Variants in SLC26A2 observed in about 807,000 individuals in gnomAD.
SLC26A2 encodes the protein sulfate transporter.
Under a neutral mutation model 41.1 loss-of-function variants are expected in SLC26A2, and 36 were observed. That is an observed-to-expected ratio of 0.88 (90% CI 0.67 to 1.16). The LOEUF (loss-of-function observed/expected upper bound fraction) is 1.16, where lower values mean the gene tolerates loss of function less well. Among genes scored for constraint, SLC26A2 ranks in the 50% most tolerant of loss-of-function variants. SLC26A2 has a pLI of 0.00. For synonymous variants in SLC26A2, 291 were observed against 311.6 expected (o/e 0.93, Z 0.70); for missense variants, 796 against 869.6 (o/e 0.92, Z 1.07).
chr5:149,961,880 C>G (rs1228763094), intron 1 of SLC26A2: 1 of 152,156 alleles, frequency 6.6e-6, no homozygotes, highest in Non-Finnish European at 1.5e-5. Context: ...TAGCAAGGGA[C>G]AGAGACTAAT....
intron 1 of SLC26A2, among the ~76,000 whole-genome samples, chr5:149,969,400 A>G (rs1008087098): frequency 1.3e-5 from 2 of 152,194 alleles, no homozygotes; most frequent in East Asian, 3.8e-4. Context: ...CCACATTTCT[A>G]ATTGCCTGCT....
intron 1 of SLC26A2, among the ~76,000 whole-genome samples, chr5:149,965,808 A>G (rs957815047): frequency 1.3e-5 from 2 of 152,182 alleles, no homozygotes; most frequent in Non-Finnish European, 2.9e-5. Flanking sequence ...TAGGCAATCT[A>G]TTAGAGGAAA....
intron 1 of SLC26A2, among the ~76,000 whole-genome samples, chr5:149,961,493 A>G (rs1216268925): frequency 2.0e-5 from 3 of 152,176 alleles, no homozygotes; most frequent in South Asian, 2.1e-4. Context: ...CACTGGATGG[A>G]TGGAAACACT....
At chr5:149,980,157 T>C (rs186669687) in intron 2 of SLC26A2, 136 bp from the exon 3 acceptor site, 54 of 751,822 alleles carry the variant, frequency 7.2e-5, no homozygotes, top group African/African-American at 6.3e-4. Context: ...AAGATTGATA[T>C]ATGATTGTGT....
In SLC26A2 at chr5:149,981,424, G is replaced by A. The variant is rs764181468; in HGVS notation, c.1831G>A (p.Val611Met). 2 of 1,613,926 alleles carry A rather than the reference G, an allele frequency of 1.2e-6. No homozygotes were observed. The highest frequency in any genetic ancestry group is 1.7e-6 in the Non-Finnish European group (2 of 1,179,986). Residue 611 changes from valine to methionine, a missense_variant, in exon 3 of 3, where the codon GTG becomes ATG. Coordinates refer to ENST00000286298, the MANE Select transcript of SLC26A2 (RefSeq NM_000112.4). Reference sequence around the variant, plus strand: ...AACTGTCAACCCAATCTTAATAAAGGTGGCTTGGAAGAAGGCAGCAAAGAG... The same window carrying A: ...AACTGTCAACCCAATCTTAATAAAGATGGCTTGGAAGAAGGCAGCAAAGAG... Reference protein sequence around the residue: ...KQTVNPILIKVAWKKAAKRKI... With the variant: ...KQTVNPILIKMAWKKAAKRKI...
intron 1 of SLC26A2, among the ~76,000 whole-genome samples, chr5:149,977,317 TC>T (rs953521732): frequency 4.6e-5 from 7 of 152,104 alleles, no homozygotes; most frequent in African/African-American, 1.2e-4. Flanking sequence ...TGCCCTTACA[TC>T]TTTTCAGGAG....
intron 1 of SLC26A2, among the ~76,000 whole-genome samples, chr5:149,966,881 A>G (rs1754814387): frequency 6.6e-6 from 1 of 152,246 alleles, no homozygotes; most frequent in Admixed American, 6.5e-5. Flanking sequence ...TTGCTTAGAT[A>G]CTTCCTCCCA....
intron 1 of SLC26A2, among the ~76,000 whole-genome samples, chr5:149,974,597 A>G (rs1038225726): frequency 6.8e-6 from 1 of 148,082 alleles, no homozygotes; most frequent in Non-Finnish European, 1.5e-5. Flanking sequence ...TAATTTTTGT[A>G]TTTTTTTAGA....
chr5:149,975,326 T>A (rs1254056129), intron 1 of SLC26A2, among the ~76,000 whole-genome samples: 1 of 152,234 alleles, frequency 6.6e-6, no homozygotes, highest in Non-Finnish European at 1.5e-5. Context: ...TGATTTTTTC[T>A]TACAGTTTCC....
intron 1 of SLC26A2, among the ~76,000 whole-genome samples, chr5:149,967,617 G>A (rs1459629636): frequency 2.6e-5 from 4 of 152,086 alleles, no homozygotes; most frequent in South Asian, 2.1e-4. Context: ...GTGCACAATG[G>A]TGTGTAACCA....
chr5:149,972,339 C>CA (rs1409268959), intron 1 of SLC26A2, among the ~76,000 whole-genome samples: 1 of 152,116 alleles, frequency 6.6e-6, no homozygotes, highest in Non-Finnish European at 1.5e-5. Context: ...TGAGTGAATA[C>CA]ATAAGTTTCT....
At chr5:149,978,446 A>C in intron 2 of SLC26A2, 95 bp downstream of exon 2, 1 of 1,080,760 alleles carries the variant, frequency 9.3e-7, no homozygotes, top group South Asian at 1.3e-5. Flanking sequence ...ACAATAATTA[A>C]AGGTATCATT....
chr5:149,977,563 T>C, intron 1 of SLC26A2, 65 bp from the exon 2 acceptor site: 1 of 845,446 alleles, frequency 1.2e-6, no homozygotes, highest in Non-Finnish European at 2.0e-6. Flanking sequence ...ACAAATAGAA[T>C]TGTTAGTATA....
Position 149,982,888 on chromosome 5 carries a change from A to G in SLC26A2, c.*1075A>G, listed in dbSNP as rs1006562491. 10 of 152,324 alleles carry G rather than the reference A, an allele frequency of 6.6e-5. No individual in the cohort carries two copies. The highest frequency in any genetic ancestry group is 6.2e-4 in the South Asian group (3 of 4,832). The allele number at this position is 152,324 out of a possible 1,614,324, so 9.4% of individuals were successfully genotyped here. A position where few individuals can be genotyped will look rare whatever the true frequency, so the allele number is the denominator to read the frequency against. ...CTGGCCCACAGGTCATGAATTGAGG[A>G]GGAATTTGCTTTCAAAAAGCAAGAA... On this transcript the variant is annotated 3_prime_UTR_variant, in exon 3 of 3. Coordinates refer to ENST00000286298, the MANE Select transcript of SLC26A2 (RefSeq NM_000112.4).
intron 1 of SLC26A2, among the ~76,000 whole-genome samples, chr5:149,971,556 C>T (rs540294541): frequency 5.9e-5 from 9 of 152,164 alleles, no homozygotes; most frequent in East Asian, 5.8e-4. Context: ...TGCGCCACCA[C>T]GCCTGGCTGA....
At chr5:149,969,390 C>G (rs2113690034) in intron 1 of SLC26A2, among the ~76,000 whole-genome samples, 1 of 152,304 alleles carries the variant, frequency 6.6e-6, no homozygotes, top group South Asian at 2.1e-4. Context: ...TACTTGAGAA[C>G]CACATTTCTA....
In SLC26A2 at chr5:149,980,298, G is replaced by A. The variant is rs112360373; in HGVS notation, c.705G>A (p.Ala235=). The A allele has an allele frequency of 5.1e-5, 83 of 1,613,456 alleles. 2 individuals are homozygous for A. The highest frequency in any genetic ancestry group is 4.7e-4 in the Admixed American group (28 of 59,994). The change falls in exon 3 of 3, where the codon GCG becomes GCA. Residue 235 remains alanine, a synonymous_variant. Coordinates refer to ENST00000286298, the MANE Select transcript of SLC26A2 (RefSeq NM_000112.4). ...VTFIAGVYQV[A]MGFFQVGFVS... ...TTCTATATCCTTCCTTCCAGGTAGC[G>A]ATGGGCTTCTTTCAAGTGGGTTTTG...
intron 1 of SLC26A2, among the ~76,000 whole-genome samples, chr5:149,963,254 C>A (rs1212358291): frequency 6.6e-6 from 1 of 151,764 alleles, no homozygotes; most frequent in African/African-American, 2.4e-5. Context: ...GGATTACAGG[C>A]ACATGCCACC....
intron 1 of SLC26A2, among the ~76,000 whole-genome samples, chr5:149,967,132 C>T (rs141926898): frequency 6.6e-6 from 1 of 152,238 alleles, no homozygotes; most frequent in African/African-American, 2.4e-5. Context: ...CACTGCACTC[C>T]AGTCTGAGCA....
Sources: allele counts gnomAD v4.1 joint callset (sites outside exome capture counted in the v4.1 genomes callset), GRCh38; gene constraint gnomAD v4.1.1; transcripts MANE v1.5; gene names NCBI Gene and HGNC (gene_info 2026-07-23, HGNC 2026-07-21).